Variants in PSMD14 observed in about 807,000 individuals in gnomAD.
The protein encoded by PSMD14 is ubiquitin C-terminal hydrolase PSMD14.
In PSMD14, 7 loss-of-function variants were observed where a neutral mutation model predicts 41.2. The observed-to-expected ratio is 0.17, with a 90% CI of 0.10 to 0.32. PSMD14 has a LOEUF of 0.32. Among genes scored for constraint, PSMD14 ranks in the 10% least tolerant of loss-of-function variants. PSMD14 has a pLI of 1.00. For missense variants in PSMD14, 139 were observed against 375.6 expected, an observed-to-expected ratio of 0.37 and a Z score of 5.21; for synonymous variants, 114 against 122.3, an observed-to-expected ratio of 0.93 and a Z score of 0.45.
At chr2:161,410,662 A>G (rs1221946419) in intron 11 of PSMD14, among the ~76,000 whole-genome samples, 1 of 152,106 alleles carries the variant, frequency 6.6e-6, no homozygotes, top group Non-Finnish European at 1.5e-5. Flanking sequence ...ATAATTTGCT[A>G]TGATACATTT....
chr2:161,362,776 A>G (rs1050302961), intron 3 of PSMD14, among the ~76,000 whole-genome samples: 1 of 152,088 alleles, frequency 6.6e-6, no homozygotes, highest in African/African-American at 2.4e-5. Flanking sequence ...ATGGTTTTAG[A>G]CATTTTACTT....
In PSMD14 at chr2:161,341,385, G is replaced by A. The variant is rs1030929562; in HGVS notation, c.48+22512G>A. 6.5e-5 allele frequency: 55 copies of A among 843,408 alleles called. No homozygotes were observed. In the Middle Eastern group the frequency reaches 1.8e-3, roughly 28 times the overall value. 52.2% of individuals were successfully genotyped at this position (843,408 alleles called of 1,614,324 possible). On this transcript the variant is annotated intron_variant, in intron 3 of 11. Transcript: ENST00000409682. ...ACCCCGAGGGATCCCGCCGCGCCCC[G>A]TCCTTTGTTAATGAATTTTATGAGT...
chr2:161,408,780 G>T (rs1205110515), intron 10 of PSMD14, 57 bp from the exon 11 acceptor site: 54 of 1,322,182 alleles, frequency 4.1e-5, no homozygotes, highest in Non-Finnish European at 5.8e-5. Context: ...TGATTATCCT[G>T]CAGTGGGAAT....
intron 3 of PSMD14, among the ~76,000 whole-genome samples, chr2:161,322,630 T>G (rs1270238412): frequency 6.6e-6 from 1 of 152,132 alleles, no homozygotes; most frequent in Non-Finnish European, 1.5e-5. Flanking sequence ...CCTCAAGTGA[T>G]CTGCCCACTG....
At chr2:161,325,904 G>C (rs181761854) in intron 3 of PSMD14, among the ~76,000 whole-genome samples, 12 of 152,222 alleles carry the variant, frequency 7.9e-5, no homozygotes, top group Non-Finnish European at 1.3e-4. Flanking sequence ...AGAAGGAGAG[G>C]CCTGTTCATT....
chr2:161,333,618 T>C (rs1001019995), intron 3 of PSMD14, among the ~76,000 whole-genome samples: 1 of 152,254 alleles, frequency 6.6e-6, no homozygotes, highest in African/African-American at 2.4e-5. Flanking sequence ...AAGCAGATAG[T>C]TTAGGATCTT....
rs1169806574 is a variant in PSMD14 at position 161,399,040 on chromosome 2, TATA to T, written c.771+3841_771+3843del. On this transcript the variant is annotated intron_variant, in intron 10 of 11. Transcript: ENST00000409682. The stretch of plus-strand genomic sequence containing the variant: ...ATATAAACTGAAAACAGTTGAAAAA[TATA>T]ATAGGCAAATCAGTTCACAGTACCA... Among the ~76,000 whole-genome samples the T allele has an allele frequency of 5.3e-5, 8 of 152,134 alleles. No individual in the cohort carries two copies. In the South Asian group the frequency reaches 6.2e-4, roughly 12 times the overall value.
At chr2:161,374,060 T>C (rs1683473868) in intron 7 of PSMD14, among the ~76,000 whole-genome samples, 1 of 151,860 alleles carries the variant, frequency 6.6e-6, no homozygotes, top group Non-Finnish European at 1.5e-5. Flanking sequence ...AACAAAGATA[T>C]GAATCCAGTT....
intron 8 of PSMD14, among the ~76,000 whole-genome samples, chr2:161,389,519 A>G (rs1384569167): frequency 6.6e-6 from 1 of 152,158 alleles, no homozygotes; most frequent in Non-Finnish European, 1.5e-5. Flanking sequence ...ATGAGTAAGG[A>G]TTTAATATAC....
At chr2:161,327,948 G>C (rs184963012) in intron 3 of PSMD14, among the ~76,000 whole-genome samples, 2 of 135,960 alleles carry the variant, frequency 1.5e-5, no homozygotes, top group Non-Finnish European at 3.1e-5. Flanking sequence ...CATGTAAGCT[G>C]TGTGTGTGTG....
chr2:161,367,701 C>T (rs1683378100), intron 4 of PSMD14, 83 bp from the exon 5 acceptor site: 1 of 1,517,230 alleles, frequency 6.6e-7, no homozygotes, highest in South Asian at 1.3e-5. Context: ...TTCACTGGAA[C>T]AAAATTTGGT....
At chr2:161,315,995 C>G (rs1689143961) in intron 1 of PSMD14, among the ~76,000 whole-genome samples, 1 of 152,008 alleles carries the variant, frequency 6.6e-6, no homozygotes, top group Non-Finnish European at 1.5e-5. Flanking sequence ...GTGCCTGCCA[C>G]CACGCCTGGC....
intron 3 of PSMD14, among the ~76,000 whole-genome samples, chr2:161,365,725 AAT>A (rs1683349142): frequency 6.6e-6 from 1 of 152,158 alleles, no homozygotes; most frequent in Non-Finnish European, 1.5e-5. Flanking sequence ...TGTTTTGATA[AAT>A]ATATATGTTA....
chr2:161,362,160 G>A (rs192042443), intron 3 of PSMD14, among the ~76,000 whole-genome samples: 2 of 152,082 alleles, frequency 1.3e-5, no homozygotes, highest in African/African-American at 4.8e-5. Flanking sequence ...CAGCCTTTCG[G>A]GTTCAAGCCA....
intron 3 of PSMD14, among the ~76,000 whole-genome samples, chr2:161,335,097 T>G (rs1682850072): frequency 6.6e-6 from 1 of 152,256 alleles, no homozygotes; most frequent in Non-Finnish European, 1.5e-5. Context: ...CAGGGAGTTT[T>G]TATGAGAAAC....
chr2:161,389,547 A>G (rs949421440), intron 8 of PSMD14, among the ~76,000 whole-genome samples: 4 of 152,172 alleles, frequency 2.6e-5, no homozygotes, highest in Non-Finnish European at 5.9e-5. Flanking sequence ...GTACTTTACA[A>G]TCAGTCACTG....
chr2:161,343,923 A>G (rs541738661), intron 3 of PSMD14, among the ~76,000 whole-genome samples: 4 of 152,228 alleles, frequency 2.6e-5, no homozygotes, highest in African/African-American at 4.8e-5. Context: ...CATGGATTCA[A>G]CCAACGTTTA....
intron 3 of PSMD14, among the ~76,000 whole-genome samples, chr2:161,348,788 C>T (rs1044900066): frequency 5.9e-5 from 9 of 152,136 alleles, no homozygotes; most frequent in Admixed American, 1.3e-4. Context: ...AGCTTCAACC[C>T]AGCTGCTTTA....
intron 3 of PSMD14, among the ~76,000 whole-genome samples, chr2:161,325,899 G>A (rs1236306308): frequency 6.6e-6 from 1 of 152,142 alleles, no homozygotes; most frequent in Non-Finnish European, 1.5e-5. Context: ...AGTGGAGAAG[G>A]AGAGGCCTGT....
Sources: gnomAD v4.1 joint callset for allele counts (sites outside exome capture counted in the v4.1 genomes callset) on GRCh38, gnomAD v4.1.1 for gene constraint, MANE v1.5 for transcripts, NCBI Gene and HGNC (gene_info 2026-07-23, HGNC 2026-07-21) for gene names.